Variants in SLC4A9 observed in about 807,000 individuals in gnomAD.
SLC4A9 encodes solute carrier family 4 member 9.
SLC4A9 carries 102 observed loss-of-function variants against 103.2 expected under a neutral mutation model. The ratio of observed to expected loss-of-function variants is 0.99; its 90% CI spans 0.84 to 1.17. The LOEUF (loss-of-function observed/expected upper bound fraction) is 1.17, where lower values mean the gene tolerates loss of function less well. Among genes scored for constraint, SLC4A9 ranks in the 50% most tolerant of loss-of-function variants. The pLI is 0.00. For missense variants in SLC4A9, 1,091 were observed against 1,193.7 expected (o/e 0.91, Z 1.27); for synonymous variants, 453 against 483.6 (o/e 0.94, Z 0.83).
Position 140,361,855 on chromosome 5 carries a change from A to G in SLC4A9, c.553A>G (p.Arg185Gly). 6.2e-7 allele frequency: 1 copy of G among 1,613,982 alleles called. No homozygotes were observed. The highest frequency in any genetic ancestry group is 8.5e-7 in the Non-Finnish European group (1 of 1,179,884). The part of the protein sequence containing the change: ...KASDNEEAPL[R>G]EQCQNPLRQK... ...TTCTGACAATGAGGAAGCCCCCCTG[A>G]GGGAACAGGTTTGTGGCCCTTCCTT... is the stretch of plus-strand genomic sequence containing the variant. The change falls in exon 4 of 22, where the codon AGG becomes GGG. Residue 185 changes from arginine (R) to glycine (G), a missense_variant. Coordinates refer to ENST00000506757, the MANE Select transcript of SLC4A9 (RefSeq NM_031467.3).
In SLC4A9 at chr5:140,371,014, A is replaced by G. The variant is rs1304832634; in HGVS notation, c.2428-81A>G. ...GACCTGGATGCTAGATGCTAGAGGG[A>G]TCTAGGGCATCTGGGCATCCTGGGG... On this transcript the variant is annotated intron_variant, in intron 17 of 21. Coordinates refer to ENST00000506757, the MANE Select transcript of SLC4A9 (RefSeq NM_031467.3). 3.1e-6 allele frequency: 4 copies of G among 1,272,918 alleles called. No individual in the cohort carries two copies. The East Asian group carries it at 9.9e-5, about 31-fold the overall frequency. The allele number at this position is 1,272,918 out of a possible 1,614,324, so 78.9% of individuals were successfully genotyped here. A position where few individuals can be genotyped will look rare whatever the true frequency, so the allele number is the denominator to read the frequency against.
intron 20 of SLC4A9, 137 bp downstream of exon 20, chr5:140,372,534 G>A: frequency 6.8e-7 from 1 of 1,470,564 alleles, no homozygotes; most frequent in Non-Finnish European, 9.0e-7. Context: ...TCTGTGTATG[G>A]ACATAGGCAG....
intron 17 of SLC4A9, among the ~76,000 whole-genome samples, chr5:140,369,605 G>T (rs1252925162): frequency 6.6e-6 from 1 of 152,162 alleles, no homozygotes; most frequent in African/African-American, 2.4e-5. Flanking sequence ...GAAGGGAAAG[G>T]TCATGGAAGC....
intron 1 of SLC4A9, 81 bp downstream of exon 1, chr5:140,360,547 A>C: frequency 7.5e-7 from 1 of 1,327,566 alleles, no homozygotes; most frequent in Non-Finnish European, 1.0e-6. Context: ...AGCGCTTCTT[A>C]TGGGGCTGCC....
At chr5:140,370,648 T>C (rs1768574241) in intron 17 of SLC4A9, among the ~76,000 whole-genome samples, 1 of 152,010 alleles carries the variant, frequency 6.6e-6, no homozygotes, top group African/African-American at 2.4e-5. Context: ...AGAGGAGGCA[T>C]GAGTAATAAG....
chr5:140,371,784 A>G (rs1768766029), intron 19 of SLC4A9, among the ~76,000 whole-genome samples, 160 bp downstream of exon 19: 1 of 152,230 alleles, frequency 6.6e-6, no homozygotes, highest in South Asian at 2.1e-4. Context: ...TGGCAGGATG[A>G]TACCTATGTA....
At chr5:140,371,415 G>T in intron 18 of SLC4A9, 36 bp from the exon 19 acceptor site, 1 of 1,612,494 alleles carries the variant, frequency 6.2e-7, no homozygotes, top group South Asian at 1.1e-5. Flanking sequence ...CAGGCTACCT[G>T]AGTGCCCTGC....
intron 17 of SLC4A9, among the ~76,000 whole-genome samples, chr5:140,369,280 CAAA>C (rs575452593): frequency 2.0e-5 from 2 of 97,716 alleles, no homozygotes; most frequent in Admixed American, 1.1e-4. Flanking sequence ...AAGAATGTCT[CAAA>C]AAAAAAAAAC....
At position 140,367,485 on chromosome 5, in the gene SLC4A9, G is replaced by T; in HGVS notation, c.2079G>T (p.Val693=). ...PFGANPWWWS[V]AAALPALLLS... The stretch of plus-strand genomic sequence containing the variant: ...GAGCCAACCCCTGGTGGTGGAGTGT[G>T]GCAGCTGCCCTGCCTGCCCTGCTGC... The change falls in exon 15 of 22, where the codon GTG becomes GTT. Residue 693 remains valine, a synonymous_variant. Coordinates refer to ENST00000506757, the MANE Select transcript of SLC4A9 (RefSeq NM_031467.3). 6.2e-7 allele frequency: 1 copy of T among 1,607,112 alleles called. No individual in the cohort carries two copies.
In SLC4A9 at chr5:140,371,744, T is replaced by C. The variant is rs1056276377; in HGVS notation, c.2670+120T>C. ...CCCTCTCACTCGCTGTGGCTCTCCC[T>C]GGTTGGGAATCCTAAGACAAAGAAA... On this transcript the variant is annotated intron_variant, in intron 19 of 21. Coordinates refer to ENST00000506757, the MANE Select transcript of SLC4A9 (RefSeq NM_031467.3). The C allele has an allele frequency of 9.4e-6, 11 of 1,170,958 alleles. No homozygotes were observed. In the African/African-American group the frequency reaches 1.2e-4, roughly 13 times the overall value. 72.5% of individuals were successfully genotyped at this position (1,170,958 alleles called of 1,614,324 possible). A position where few individuals can be genotyped will look rare whatever the true frequency, so the allele number is the denominator to read the frequency against.
At chr5:140,370,078 C>G (rs747811217) in intron 17 of SLC4A9, among the ~76,000 whole-genome samples, 1 of 152,116 alleles carries the variant, frequency 6.6e-6, no homozygotes, top group Admixed American at 6.6e-5. Context: ...CCACATGCCA[C>G]GCACTGTTCT....
intron 10 of SLC4A9, 60 bp downstream of exon 10, chr5:140,364,247 C>A: frequency 1.9e-6 from 3 of 1,573,616 alleles, no homozygotes; most frequent in Admixed American, 3.5e-5. Context: ...CTGCTCCTGG[C>A]TGGGTGAATA....
intron 18 of SLC4A9, 76 bp from the exon 19 acceptor site, chr5:140,371,375 C>A: frequency 1.3e-6 from 2 of 1,563,054 alleles, no homozygotes; most frequent in Non-Finnish European, 1.8e-6. Context: ...CAGTGCTGGG[C>A]TATGATAGCT....
chr5:140,362,552 G>A lies in SLC4A9; in HGVS notation c.807+20G>A, dbSNP rs1561577068. The A allele has an allele frequency of 6.2e-7, 1 of 1,611,604 alleles. No individual in the cohort carries two copies. Among genetic ancestry groups the A allele is most frequent in the East Asian group, 2.2e-5 (1 of 44,852 alleles). On this transcript the variant is annotated intron_variant, in intron 6 of 21. Coordinates refer to ENST00000506757, the MANE Select transcript of SLC4A9 (RefSeq NM_031467.3). ...GACCCGGTGAGCTGAGCAGGTGTGT[G>A]TGTGTGCGCGCGCACGCGTGCATGC...
Position 140,360,852 on chromosome 5 carries a change from C to T in SLC4A9, c.271C>T (p.Arg91Trp), listed in dbSNP as rs775241841. 1.3e-5 allele frequency: 21 copies of T among 1,613,008 alleles called. 1 individual carries two copies. Among genetic ancestry groups the T allele is most frequent in the Middle Eastern group, 1.7e-4 (1 of 5,982 alleles). ...GGAGAAGTTGGAGGTGGCTGCAGGC[C>T]GGTGGAGTGCCCCCCACGTGCCCAC... Reference protein sequence around the residue: ...FEEKLEVAAGRWSAPHVPTLA... With the variant: ...FEEKLEVAAGWWSAPHVPTLA... The change falls in exon 2 of 22, where the codon CGG becomes TGG. Residue 91 changes from arginine to tryptophan, a missense_variant. Physicochemically the swap from Arg to Trp is moderately radical, Grantham distance 101. Transcript: ENST00000506757.
In SLC4A9 at chr5:140,363,920, G is replaced by T; in HGVS notation, c.1254+18G>T. ...GTGCCCAGGTGGGTAGGGCCCAGGG[G>T]GCAGGCACAAGCGTTGGTGTCCCCT... is the stretch of plus-strand genomic sequence containing the variant. On this transcript the variant is annotated intron_variant, in intron 9 of 21. Transcript: ENST00000506757. The surrounding 1 kb of genome is among the most constrained non-coding windows in gnomAD (Gnocchi z 4.5). 1 of 1,611,796 alleles carries T rather than the reference G, an allele frequency of 6.2e-7. No homozygotes were observed.
At chr5:140,368,531 T>G in intron 16 of SLC4A9, 56 bp from the exon 17 acceptor site, 1 of 1,498,162 alleles carries the variant, frequency 6.7e-7, no homozygotes, top group Non-Finnish European at 9.2e-7. Context: ...GGATCTCCAG[T>G]CTGGATACCC....
rs766993747 is a variant in SLC4A9, at chr5:140,364,087, G to A, written c.1288G>A (p.Ala430Thr). The A allele has an allele frequency of 6.3e-7, 1 of 1,578,230 alleles. No homozygotes were observed. The highest frequency in any genetic ancestry group is 1.2e-5 in the South Asian group (1 of 85,868). ...VLESFLGTAV[A>T]GAAFCLMAGQ... is the part of the protein sequence containing the mutation. ...GGAAAGTTTCCTGGGCACAGCAGTG[G>A]CTGGAGCTGCCTTCTGCCTGATGGC... The change falls in exon 10 of 22, where the codon GCT becomes ACT. Residue 430 changes from alanine (A) to threonine (T), a missense_variant. Transcript: ENST00000506757.
chr5:140,365,772 C>CCAGGAGAG (rs1402495113), intron 12 of SLC4A9, 62 bp from the exon 13 acceptor site: 1 of 1,554,940 alleles, frequency 6.4e-7, no homozygotes, highest in African/African-American at 1.4e-5. Flanking sequence ...TGAAGTTGGT[C>CCAGGAGAG]CAGGAGAGCA....
Sources: gnomAD v4.1 joint callset for allele counts (sites outside exome capture counted in the v4.1 genomes callset) on GRCh38, gnomAD v4.1.1 for gene constraint, Gnocchi (gnomAD v3.1) non-coding constraint, MANE v1.5 for transcripts, NCBI Gene and HGNC (gene_info 2026-07-23, HGNC 2026-07-21) for gene names.